CNTN5: variants seen among roughly 807,000 people sequenced by gnomAD.
CNTN5 encodes contactin-5.
CNTN5 carries 77 observed loss-of-function variants against 129.1 expected under a neutral mutation model. The observed-to-expected ratio is 0.60, with a 90% CI of 0.50 to 0.72. The LOEUF is 0.72. Ranked by LOEUF, CNTN5 falls within the 30% of genes least tolerant of loss-of-function variation. The probability of loss-of-function intolerance (pLI) is 0.00; values close to 1 mark genes in which losing one functional copy is unlikely to be tolerated. For missense variants in CNTN5, 1,478 were observed against 1,328.8 expected, an observed-to-expected ratio of 1.11 and a Z score of -1.75; for synonymous variants, 509 against 465.6, an observed-to-expected ratio of 1.09 and a Z score of -1.20.
At chr11:100,177,727 C>T (rs529802754) in intron 13 of CNTN5, among the ~76,000 whole-genome samples, 5 of 152,094 alleles carry the variant, frequency 3.3e-5, no homozygotes, top group South Asian at 4.2e-4. Flanking sequence ...AACAGGGAGC[C>T]GACATATACG....
At chr11:99,585,494 TA>T (rs916894561) in intron 3 of CNTN5, among the ~76,000 whole-genome samples, 7 of 152,102 alleles carry the variant, frequency 4.6e-5, no homozygotes, top group African/African-American at 7.2e-5. Flanking sequence ...TATGGTTATT[TA>T]AAAAAATATA....
At chr11:100,257,101 G>A (rs1236695939) in intron 17 of CNTN5, among the ~76,000 whole-genome samples, 6 of 152,104 alleles carry the variant, frequency 3.9e-5, no homozygotes, top group African/African-American at 1.4e-4. Flanking sequence ...CTTGGTCAGG[G>A]GAGGGGTGTC....
intron 10 of CNTN5, among the ~76,000 whole-genome samples, chr11:100,065,082 A>T (rs1224372390): frequency 6.6e-6 from 1 of 152,138 alleles, no homozygotes; most frequent in Non-Finnish European, 1.5e-5. Flanking sequence ...GAATTGTATC[A>T]GTATTAAAAT....
chr11:99,976,684 T>A (rs912384839), intron 8 of CNTN5, among the ~76,000 whole-genome samples: 1 of 152,188 alleles, frequency 6.6e-6, no homozygotes, highest in Non-Finnish European at 1.5e-5. Context: ...GGATGCAGAG[T>A]GCCATGTCCC....
At chr11:99,960,595 A>G (rs568290394) in intron 8 of CNTN5, among the ~76,000 whole-genome samples, 14 of 152,304 alleles carry the variant, frequency 9.2e-5, no homozygotes, top group East Asian at 3.9e-4. Context: ...AATATAACCT[A>G]AAGAAAAATA....
chr11:99,910,874 G>T (rs879560948), intron 6 of CNTN5, among the ~76,000 whole-genome samples: 3 of 152,036 alleles, frequency 2.0e-5, no homozygotes, highest in Non-Finnish European at 4.4e-5. Context: ...AATTTACAGT[G>T]ACCTGAATAA....
intron 2 of CNTN5, among the ~76,000 whole-genome samples, chr11:99,409,502 G>C (rs1942291334): frequency 6.6e-6 from 1 of 152,096 alleles, no homozygotes; most frequent in Non-Finnish European, 1.5e-5. Flanking sequence ...TAAAGGCACT[G>C]ACAAAAATGT....
At chr11:100,046,009 A>C (rs570256068) in intron 9 of CNTN5, among the ~76,000 whole-genome samples, 6 of 151,966 alleles carry the variant, frequency 3.9e-5, no homozygotes, top group Non-Finnish European at 7.4e-5. Context: ...CACAATGTGC[A>C]GGTTAGTTAC....
intron 3 of CNTN5, among the ~76,000 whole-genome samples, chr11:99,630,959 C>T (rs1408365296): frequency 6.6e-6 from 1 of 152,132 alleles, no homozygotes; most frequent in African/African-American, 2.4e-5. Context: ...ATCAATGCAT[C>T]TATTAAATCT....
chr11:99,153,410 C>T (rs1456803861), intron 1 of CNTN5, among the ~76,000 whole-genome samples: 1 of 150,376 alleles, frequency 6.6e-6, no homozygotes, highest in Non-Finnish European at 1.5e-5. Context: ...CTTTCCTCAA[C>T]TTAGTTGATT....
intron 9 of CNTN5, among the ~76,000 whole-genome samples, chr11:100,056,633 T>C (rs1388122775): frequency 1.3e-5 from 2 of 151,666 alleles, no homozygotes; most frequent in Non-Finnish European, 3.0e-5. Flanking sequence ...ATAAAACTTA[T>C]ATAAGAAGAT....
rs571803629 is a variant in CNTN5 at position 100,263,596 on chromosome 11, C to T, written c.2165-7496C>T. 3.9e-5 allele frequency among the ~76,000 whole-genome samples: 6 copies of T among 152,150 alleles called. No homozygotes were observed. In the South Asian group the frequency reaches 6.2e-4, roughly 16 times the overall value. The stretch of plus-strand genomic sequence containing the variant: ...AGCCTCATTCCTGGATCCATTATAA[C>T]CCTGTGATACCTTTAAAGACCTCAA... On this transcript the variant is annotated intron_variant, in intron 17 of 24. Coordinates refer to ENST00000524871, the MANE Select transcript of CNTN5 (RefSeq NM_014361.4).
intron 16 of CNTN5, among the ~76,000 whole-genome samples, chr11:100,245,984 T>G (rs7103296): frequency 0.056 from 8,550 of 152,114 alleles, 811 homozygotes; most frequent in African/African-American, 0.2. Context: ...TTCAGTATTT[T>G]CCCCCATTCC....
chr11:99,672,060 T>C (rs2135948759), intron 3 of CNTN5, among the ~76,000 whole-genome samples: 1 of 152,322 alleles, frequency 6.6e-6, no homozygotes, highest in East Asian at 1.9e-4. Flanking sequence ...CATGACCAGA[T>C]TGTGTAATTT....
rs1383003464 is a variant in CNTN5, at chr11:100,342,162, C to A, written c.3030+957C>A. On this transcript the variant is annotated intron_variant, in intron 23 of 24. Coordinates refer to ENST00000524871, the MANE Select transcript of CNTN5 (RefSeq NM_014361.4). ...TTAGGATAGATCACAGACACACACACACACACACACACACACACACAAGTC... is the reference window on the plus strand; with the variant it reads ...TTAGGATAGATCACAGACACACACAAACACACACACACACACACACAAGTC... 3.0e-4 allele frequency among the ~76,000 whole-genome samples: 45 copies of A among 151,450 alleles called. 1 individual carries two copies. The highest frequency in any genetic ancestry group is 4.4e-5 in the Non-Finnish European group (3 of 67,834).
chr11:99,646,213 A>G (rs967306505), intron 3 of CNTN5, among the ~76,000 whole-genome samples: 3 of 152,306 alleles, frequency 2.0e-5, no homozygotes, highest in African/African-American at 7.2e-5. Context: ...TGCCTGGAAT[A>G]AAAAATGGAA....
chr11:100,050,138 G>T (rs1237707810), intron 9 of CNTN5, among the ~76,000 whole-genome samples: 1 of 152,026 alleles, frequency 6.6e-6, no homozygotes, highest in African/African-American at 2.4e-5. Context: ...TATACCCAAA[G>T]GACTATAAAT....
chr11:99,170,941 T>C (rs1317721748), intron 1 of CNTN5, among the ~76,000 whole-genome samples: 1 of 152,160 alleles, frequency 6.6e-6, no homozygotes, highest in Non-Finnish European at 1.5e-5. Flanking sequence ...CTAAATTAAA[T>C]GGAAAGAATA....
At chr11:100,254,632 A>G (rs141543643) in intron 16 of CNTN5, among the ~76,000 whole-genome samples, 60 of 152,252 alleles carry the variant, frequency 3.9e-4, no homozygotes, top group African/African-American at 8.7e-4. Context: ...ATTTGCCCCA[A>G]TGAGGCTTTT....
Sources: allele counts gnomAD v4.1 joint callset (sites outside exome capture counted in the v4.1 genomes callset), GRCh38; gene constraint gnomAD v4.1.1; transcripts MANE v1.5; gene names NCBI Gene and HGNC (gene_info 2026-07-23, HGNC 2026-07-21).